PTPN23: variants seen among roughly 807,000 people sequenced by gnomAD.
The protein encoded by PTPN23 is tyrosine-protein phosphatase non-receptor type 23.
In PTPN23, 72 loss-of-function variants were observed where a neutral mutation model predicts 156.3. The ratio of observed to expected loss-of-function variants is 0.46; its 90% confidence interval spans 0.38 to 0.56. The LOEUF (loss-of-function observed/expected upper bound fraction) is 0.56. Among genes scored for constraint, PTPN23 ranks in the 20% least tolerant of loss-of-function variants. The pLI is 0.00. For synonymous variants in PTPN23, 957 were observed against 899.6 expected (o/e 1.06, Z -1.14); for missense variants, 1,974 against 2,171.5 (o/e 0.91, Z 1.81).
At chr3:47,395,735 C>G (rs922549787) in intron 1 of PTPN23, among the ~76,000 whole-genome samples, 1 of 152,190 alleles carries the variant, frequency 6.6e-6, no homozygotes. Context: ...TGTTTGGTGC[C>G]TCTTGCCTGC....
rs1308726988 is a variant in PTPN23 at position 47,408,479 on chromosome 3, A to G, written c.1319A>G (p.Gln440Arg). The G allele has an allele frequency of 3.1e-6, 5 of 1,611,840 alleles. No homozygotes were observed. In the Admixed American group the frequency reaches 6.7e-5, roughly 22 times the overall value. Residue 440 changes from glutamine (Q) to arginine (R), a missense_variant, in exon 15 of 25, where the codon CAG becomes CGG. Around this residue, in one of 4 missense-constraint regions of PTPN23, gnomAD observed 726 missense variants for 929.5 expected, o/e 0.78. Coordinates refer to ENST00000265562, the MANE Select transcript of PTPN23 (RefSeq NM_015466.4). ...CCCGACACTGTCAGGAACCTTGTAC[A>G]GTCCATGCAAGGTGAGTAAGGGGCA... ...VRPDTVRNLVQSMQVLSGVFT... is the reference protein window; with the variant it reads ...VRPDTVRNLVRSMQVLSGVFT...
At chr3:47,403,413 C>T (rs1258821612) in intron 2 of PTPN23, among the ~76,000 whole-genome samples, 1 of 151,918 alleles carries the variant, frequency 6.6e-6, no homozygotes, top group Admixed American at 6.6e-5. Context: ...ATATGAGTAA[C>T]TAGAGACTCT....
intron 1 of PTPN23, among the ~76,000 whole-genome samples, chr3:47,381,555 C>A (rs1704539191): frequency 6.6e-6 from 1 of 152,106 alleles, no homozygotes; most frequent in Non-Finnish European, 1.5e-5. Flanking sequence ...CCTGACCGTG[C>A]GGATTCTTTT....
At chr3:47,408,641 C>CT (rs753414256) in intron 15 of PTPN23, 135 bp from the exon 16 acceptor site, 7 of 1,416,452 alleles carry the variant, frequency 4.9e-6, no homozygotes, top group African/African-American at 2.9e-5. Flanking sequence ...CAGCATACCT[C>CT]TTGCACCCTG....
In PTPN23 at chr3:47,411,277, T is replaced by C; in HGVS notation, c.3479T>C (p.Ile1160Thr). The C allele has an allele frequency of 6.2e-7, 1 of 1,611,346 alleles. No individual in the cohort carries two copies. Among genetic ancestry groups the C allele is most frequent in the Non-Finnish European group, 8.5e-7 (1 of 1,179,942 alleles). Reference sequence around the variant, plus strand: ...CGTCGGCCGCAGGCCCTGCGGCTGATTGAGCGGGACCCCTATGAGCATCCT... The same window carrying C: ...CGTCGGCCGCAGGCCCTGCGGCTGACTGAGCGGGACCCCTATGAGCATCCT... ...EGRRPQALRLIERDPYEHPER... is the reference protein window; with the variant it reads ...EGRRPQALRLTERDPYEHPER... The change falls in exon 20 of 25, where the codon ATT becomes ACT. Residue 1160 changes from isoleucine (I) to threonine (T), a missense_variant. Ile to Thr is a moderately conservative substitution (Grantham distance 89). Transcript: ENST00000265562. This position sits in a 1 kb window ranked among gnomAD's most constrained non-coding sequence, Gnocchi z 6.3.
At chr3:47,392,403 T>C (rs1704793860) in intron 1 of PTPN23, among the ~76,000 whole-genome samples, 1 of 152,024 alleles carries the variant, frequency 6.6e-6, no homozygotes, top group African/African-American at 2.4e-5. Flanking sequence ...CCCAGGCTGG[T>C]CTGGAACTCC....
rs1344665861 is a variant in PTPN23 at position 47,409,917 on chromosome 3, C to G, written c.2130-11C>G. The G allele has an allele frequency of 1.9e-6, 3 of 1,571,584 alleles. No individual in the cohort carries two copies. Among genetic ancestry groups the G allele is most frequent in the Non-Finnish European group, 1.7e-6 (2 of 1,159,606 alleles). On this transcript the variant is annotated splice_polypyrimidine_tract_variant and intron_variant, in intron 19 of 24. Transcript: ENST00000265562. Reference sequence around the variant, plus strand: ...GAGCCTGGCCCCACTTTTTCCTTGCCTGTCGCACAGGGAGCTGAAGAAGAA... The same window carrying G: ...GAGCCTGGCCCCACTTTTTCCTTGCGTGTCGCACAGGGAGCTGAAGAAGAA...
At chr3:47,412,481 G>A in intron 23 of PTPN23, 33 bp from the exon 24 acceptor site, 2 of 1,611,750 alleles carry the variant, frequency 1.2e-6, no homozygotes. Context: ...ACGGGCCCCT[G>A]CCCAGCTGAC....
chr3:47,410,175 C>G lies in PTPN23; in HGVS notation c.2377C>G (p.Pro793Ala). The change falls in exon 20 of 25, where the codon CCT (proline) becomes GCT (alanine). Residue 793 changes from proline (P) to alanine (A), a missense_variant. By Grantham distance (27) the Pro-to-Ala change is conservative. Around this residue, in one of 4 missense-constraint regions of PTPN23, gnomAD observed 731 missense variants for 669.1 expected, o/e 1.09. Coordinates refer to ENST00000265562, the MANE Select transcript of PTPN23 (RefSeq NM_015466.4). ...CCACTATCTCTCAGGCCCCTTGCCC[C>G]CTGGTACCTACTCGGGCCCCACCCA... ...GPHYLSGPLP[P>A]GTYSGPTQLI... The G allele has an allele frequency of 6.3e-7, 1 of 1,599,022 alleles. No homozygotes were observed. The highest frequency in any genetic ancestry group is 1.7e-4 in the Middle Eastern group (1 of 5,966).
Position 47,413,330 on chromosome 3 carries a change from G to T in PTPN23, c.*145G>T, listed in dbSNP as rs1190693299. ...CCTGCCTGGCCCAGCCTGCACCCCT[G>T]TGGGGTGGAAATGTACTGCAGGCTC... is the stretch of plus-strand genomic sequence containing the variant. On this transcript the variant is annotated 3_prime_UTR_variant, in exon 25 of 25. Transcript: ENST00000265562. 1.7e-6 allele frequency: 2 copies of T among 1,172,390 alleles called. No homozygotes were observed. The highest frequency in any genetic ancestry group is 1.5e-5 in the South Asian group (1 of 65,058). 72.6% of individuals were successfully genotyped at this position (1,172,390 alleles called of 1,614,324 possible).
intron 1 of PTPN23, 119 bp downstream of exon 1, chr3:47,381,299 CAG>C (rs1486137892): frequency 2.9e-6 from 4 of 1,372,262 alleles, no homozygotes; most frequent in Admixed American, 2.3e-5. Flanking sequence ...CCGGTGAGGC[CAG>C]GAGGGGCCTT....
At chr3:47,404,257 A>G (rs951591850) in intron 2 of PTPN23, among the ~76,000 whole-genome samples, 2 of 151,102 alleles carry the variant, frequency 1.3e-5, no homozygotes, top group Admixed American at 1.3e-4. Context: ...AAATGGGGAA[A>G]CCCCGCCTCT....
chr3:47,407,476 T>G lies in PTPN23; in HGVS notation c.924-29T>G. ...TGGATCCCCACTGACACCCCGTGAC[T>G]GCCCACTCCCCCTGCTCCTGATCCC... On this transcript the variant is annotated intron_variant, in intron 11 of 24. Transcript: ENST00000265562. The surrounding 1 kb of genome is among the most constrained non-coding windows in gnomAD (Gnocchi z 4.0). 6.2e-7 allele frequency: 1 copy of G among 1,610,530 alleles called. No homozygotes were observed. Among genetic ancestry groups the G allele is most frequent in the Non-Finnish European group, 8.5e-7 (1 of 1,176,778 alleles).
chr3:47,387,513 G>C (rs12486969), intron 1 of PTPN23, among the ~76,000 whole-genome samples: 56,837 of 150,518 alleles, frequency 0.38, 11,118 homozygotes, highest in East Asian at 0.52. Flanking sequence ...CCAGGAGGTC[G>C]AGGCTGTGGT....
rs762703401 is a variant in PTPN23, at chr3:47,406,418, C to T, written c.627+13C>T. ...CATCAGTGCACAGGTAGGGACGGGG[C>T]TGAGGGGAGGCCTTCACTTTACTGC... On this transcript the variant is annotated intron_variant, in intron 7 of 24. Coordinates refer to ENST00000265562, the MANE Select transcript of PTPN23 (RefSeq NM_015466.4). The surrounding 1 kb of genome is among the most constrained non-coding windows in gnomAD (Gnocchi z 5.8). 5.0e-6 allele frequency: 8 copies of T among 1,613,942 alleles called. No individual in the cohort carries two copies. The highest frequency in any genetic ancestry group is 6.8e-6 in the Non-Finnish European group (8 of 1,179,988).
At position 47,409,584 on chromosome 3, in the gene PTPN23, T is replaced by A; in HGVS notation, c.1949+16T>A. Reference sequence around the variant, plus strand: ...TGGACCAAAAGTCAGTGCCCAGTCCTCTGCTCTTTCCCGGAGCCACCTGGA... The same window carrying A: ...TGGACCAAAAGTCAGTGCCCAGTCCACTGCTCTTTCCCGGAGCCACCTGGA... On this transcript the variant is annotated intron_variant, in intron 18 of 24. Coordinates refer to ENST00000265562, the MANE Select transcript of PTPN23 (RefSeq NM_015466.4). The A allele has an allele frequency of 6.2e-7, 1 of 1,612,874 alleles. No homozygotes were observed. The highest frequency in any genetic ancestry group is 1.1e-5 in the South Asian group (1 of 90,958).
intron 1 of PTPN23, among the ~76,000 whole-genome samples, chr3:47,386,112 C>T (rs1704646952): frequency 6.6e-6 from 1 of 152,184 alleles, no homozygotes; most frequent in Non-Finnish European, 1.5e-5. Flanking sequence ...TGAATTCAGA[C>T]TGTCTTGCTG....
chr3:47,411,300 C>T lies in PTPN23; in HGVS notation c.3502C>T (p.Pro1168Ser), dbSNP rs2107724994. ...GATTGAGCGGGACCCCTATGAGCAT[C>T]CTGAGAGGCTGCGGCAGTTGCAGCA... is the stretch of plus-strand genomic sequence containing the variant. ...RLIERDPYEH[P>S]ERLRQLQQEL... The change falls in exon 20 of 25, where the codon CCT becomes TCT. Residue 1168 changes from proline to serine, a missense_variant. Pro to Ser is a moderately conservative substitution (Grantham distance 74, BLOSUM62 -1). Coordinates refer to ENST00000265562, the MANE Select transcript of PTPN23 (RefSeq NM_015466.4). This position sits in a 1 kb window ranked among gnomAD's most constrained non-coding sequence, Gnocchi z 6.3. The T allele has an allele frequency of 1.2e-6, 2 of 1,612,534 alleles. No homozygotes were observed. Among genetic ancestry groups the T allele is most frequent in the South Asian group, 1.1e-5 (1 of 91,072 alleles).
At position 47,409,451 on chromosome 3, in the gene PTPN23, A is replaced by G. The variant is rs1472556673; in HGVS notation, c.1832A>G (p.Gln611Arg). 6.2e-7 allele frequency: 1 copy of G among 1,614,056 alleles called. No homozygotes were observed. Among genetic ancestry groups the G allele is most frequent in the African/African-American group, 1.3e-5 (1 of 74,916 alleles). The stretch of plus-strand genomic sequence containing the variant: ...GAGGAGCAGCTGAAAAAGTATGACC[A>G]GCTGAAGGTGTACCTGGAGCAGAAC... Reference protein sequence around the residue: ...LFEEQLKKYDQLKVYLEQNLA... With the variant: ...LFEEQLKKYDRLKVYLEQNLA... The change falls in exon 18 of 25, where the codon CAG becomes CGG. Residue 611 changes from glutamine (Q) to arginine (R), a missense_variant. Coordinates refer to ENST00000265562, the MANE Select transcript of PTPN23 (RefSeq NM_015466.4).
Sources: allele counts gnomAD v4.1 joint callset (sites outside exome capture counted in the v4.1 genomes callset), GRCh38; gene constraint gnomAD v4.1.1; regional missense constraint gnomAD v4.1.1; non-coding constraint Gnocchi (gnomAD v3.1); transcripts MANE v1.5; gene names NCBI Gene and HGNC (gene_info 2026-07-23, HGNC 2026-07-21).